The following ATP2B2 variants were observed in gnomAD, a reference collection of about 807,000 sequenced individuals.
ATP2B2 encodes the protein ATPase plasma membrane Ca2+ transporting 2, also known as plasma membrane calcium-transporting ATPase 2.
A neutral mutation model predicts 120.0 loss-of-function variants in ATP2B2; 15 were observed. The ratio of observed to expected loss-of-function variants is 0.12; its 90% CI spans 0.08 to 0.19. The LOEUF (loss-of-function observed/expected upper bound fraction) is 0.19, where lower values mean the gene tolerates loss of function less well. ATP2B2 is among the 10% of genes least tolerant of loss of function. ATP2B2 has a pLI of 1.00. For missense variants in ATP2B2, 1,045 were observed against 1,719.8 expected, an observed-to-expected ratio of 0.61 and a Z score of 6.94; for synonymous variants, 694 against 700.3, an observed-to-expected ratio of 0.99 and a Z score of 0.14.
At chr3:10,534,237 G>A (rs1220465121) in intron 2 of ATP2B2, 2 of 152,490 alleles carry the variant, frequency 1.3e-5, no homozygotes, top group Non-Finnish European at 2.9e-5. Flanking sequence ...TGTCCCCGAT[G>A]TGCTGGCTCT....
intron 1 of ATP2B2, among the ~76,000 whole-genome samples, chr3:10,478,345 C>G (rs113109070): frequency 0.012 from 1,775 of 152,254 alleles, 28 homozygotes; most frequent in African/African-American, 0.037. Flanking sequence ...TTGATAGTAT[C>G]TTTTGATGCA....
In ATP2B2 at chr3:10,340,835, A is replaced by G; in HGVS notation, c.2918-131T>C. The G allele has an allele frequency of 1.1e-6, 1 of 903,454 alleles. No homozygotes were observed. The highest frequency in any genetic ancestry group is 2.7e-5 in the East Asian group (1 of 37,564). The allele number at this position is 903,454 out of a possible 1,614,324, so 56.0% of individuals were successfully genotyped here. ...CCAAGACATCAAGGCATGCTTGGAC[A>G]GTGGGGGGCCAGGGCTGTGCTGTCA... On this transcript the variant is annotated intron_variant, in intron 19 of 22. Transcript: ENST00000360273. The surrounding 1 kb of genome is among the most constrained non-coding windows in gnomAD (Gnocchi z 5.0).
chr3:10,359,080 C>T lies in ATP2B2; in HGVS notation c.1902-155G>A, dbSNP rs549586089. On this transcript the variant is annotated intron_variant, in intron 13 of 22. Transcript: ENST00000360273. ...CCCAGGCAGGGTGAAATCAAGCATT[C>T]GTCCTGCAATTTTTGCCCAGGCCAC... Among the ~76,000 whole-genome samples, 5 of 152,314 alleles carry T rather than the reference C, an allele frequency of 3.3e-5. No homozygotes were observed. In the East Asian group the frequency reaches 5.8e-4, roughly 18 times the overall value.
At chr3:10,436,998 A>G (rs2063499877) in intron 2 of ATP2B2, among the ~76,000 whole-genome samples, 2 of 152,176 alleles carry the variant, frequency 1.3e-5, no homozygotes, top group Non-Finnish European at 2.9e-5. Context: ...CTCTGTAACA[A>G]TCTTTTTCCA....
intron 2 of ATP2B2, among the ~76,000 whole-genome samples, chr3:10,547,799 T>A (rs2067584319): frequency 6.6e-6 from 1 of 152,226 alleles, no homozygotes; most frequent in Non-Finnish European, 1.5e-5. Context: ...AAAATCATCT[T>A]ATGCCAAAGT....
intron 2 of ATP2B2, among the ~76,000 whole-genome samples, chr3:10,443,898 A>G (rs2125153566): frequency 6.6e-6 from 1 of 152,322 alleles, no homozygotes; most frequent in South Asian, 2.1e-4. Flanking sequence ...ACAGATGAGA[A>G]AACTGAGGTT....
intron 8 of ATP2B2, among the ~76,000 whole-genome samples, chr3:10,382,142 C>T (rs2061547706): frequency 6.6e-6 from 1 of 151,358 alleles, no homozygotes; most frequent in African/African-American, 2.4e-5. Flanking sequence ...CCTCCTACTT[C>T]AGCTTCCTGA....
chr3:10,686,420 C>T (rs562674266), intron 1 of ATP2B2, among the ~76,000 whole-genome samples: 3 of 152,022 alleles, frequency 2.0e-5, no homozygotes, highest in Non-Finnish European at 2.9e-5. Flanking sequence ...TTTGGGAGGC[C>T]GAGGCGGGCG....
rs150216690 is a variant in ATP2B2, at chr3:10,345,376, G to A, written c.2703+8C>T. 485 of 1,614,120 alleles carry A rather than the reference G, an allele frequency of 3.0e-4. 2 individuals carry two copies. In the African/African-American group the frequency reaches 3.7e-3, roughly 12 times the overall value. ...CCCAGGCTTTGGTGTGGTCTCCTGCGGACCCACCTGCGTGATGCAGGCGCC... is the reference window on the plus strand; with the variant it reads ...CCCAGGCTTTGGTGTGGTCTCCTGCAGACCCACCTGCGTGATGCAGGCGCC... On this transcript the variant is annotated splice_region_variant and intron_variant, in intron 18 of 22. Transcript: ENST00000360273.
At chr3:10,680,714 G>A (rs563253486) in intron 1 of ATP2B2, among the ~76,000 whole-genome samples, 109 of 152,296 alleles carry the variant, frequency 7.2e-4, no homozygotes, top group African/African-American at 2.4e-3. Flanking sequence ...TTCGTCCTGA[G>A]CATAGCTCCC....
chr3:10,700,450 T>C (rs918109302), intron 1 of ATP2B2, among the ~76,000 whole-genome samples: 9 of 152,150 alleles, frequency 5.9e-5, no homozygotes, highest in African/African-American at 1.9e-4. Context: ...TCAAAGATGT[T>C]GTGGACTTGT....
At chr3:10,542,988 T>C (rs1340830729) in intron 2 of ATP2B2, among the ~76,000 whole-genome samples, 1 of 152,222 alleles carries the variant, frequency 6.6e-6, no homozygotes, top group African/African-American at 2.4e-5. Flanking sequence ...TTAAATCTTT[T>C]GTTAAATCAA....
intron 2 of ATP2B2, among the ~76,000 whole-genome samples, chr3:10,617,307 T>A (rs1198497545): frequency 6.6e-6 from 1 of 152,218 alleles, no homozygotes; most frequent in African/African-American, 2.4e-5. Flanking sequence ...TAACAATGTC[T>A]CATCACACAT....
chr3:10,541,667 T>A (rs2067443231), intron 2 of ATP2B2, among the ~76,000 whole-genome samples: 1 of 152,222 alleles, frequency 6.6e-6, no homozygotes, highest in African/African-American at 2.4e-5. Context: ...TTGCTAATGT[T>A]TGTTTTATGA....
At chr3:10,473,647 G>GAAGAGAATAAGGCATTC (rs1398368884) in intron 1 of ATP2B2, among the ~76,000 whole-genome samples, 2 of 152,214 alleles carry the variant, frequency 1.3e-5, no homozygotes, top group African/African-American at 4.8e-5. Context: ...AAAGTGCTAT[G>GAAGAGAATAAGGCATTC]AAGAGAATAA....
intron 2 of ATP2B2, among the ~76,000 whole-genome samples, chr3:10,578,418 G>A (rs1207673461): frequency 2.0e-5 from 3 of 150,440 alleles, no homozygotes; most frequent in East Asian, 2.0e-4. Flanking sequence ...GTGGTGGCAC[G>A]TGCCTGTAGT....
At chr3:10,530,511 T>A (rs2067189482) in intron 3 of ATP2B2, among the ~76,000 whole-genome samples, 1 of 152,172 alleles carries the variant, frequency 6.6e-6, no homozygotes, top group Non-Finnish European at 1.5e-5. Context: ...TACCAGAGGT[T>A]TGGGGTGTGT....
chr3:10,410,882 A>G, intron 2 of ATP2B2, 67 bp from the exon 3 acceptor site: 1 of 1,560,936 alleles, frequency 6.4e-7, no homozygotes, highest in Non-Finnish European at 8.8e-7. Context: ...CTGGGAATCT[A>G]GGGGCAGAAA....
At chr3:10,607,908 G>C (rs2069129206) in intron 2 of ATP2B2, among the ~76,000 whole-genome samples, 1 of 152,190 alleles carries the variant, frequency 6.6e-6, no homozygotes, top group Non-Finnish European at 1.5e-5. Flanking sequence ...TCAGGTCCCA[G>C]TGTGACCAGA....
Sources: allele counts gnomAD v4.1 joint callset (sites outside exome capture counted in the v4.1 genomes callset), GRCh38; gene constraint gnomAD v4.1.1; non-coding constraint Gnocchi (gnomAD v3.1); transcripts MANE v1.5; gene names NCBI Gene and HGNC (gene_info 2026-07-23, HGNC 2026-07-21).